SLC6A17: variants seen among roughly 807,000 people sequenced by gnomAD.
SLC6A17 encodes the protein sodium-dependent neutral amino acid transporter SLC6A17.
SLC6A17 carries 21 observed loss-of-function variants against 64.5 expected under a neutral mutation model. That is an observed-to-expected ratio of 0.33 (90% CI 0.23 to 0.47). The LOEUF (loss-of-function observed/expected upper bound fraction) is 0.47. Among genes scored for constraint, SLC6A17 ranks in the 20% least tolerant of loss-of-function variants. The pLI, the probability that SLC6A17 is intolerant of heterozygous loss-of-function variation, is 1.00. For missense variants in SLC6A17, 682 were observed against 963.2 expected (o/e 0.71, Z 3.86); for synonymous variants, 372 against 399.5 (o/e 0.93, Z 0.82).
intron 1 of SLC6A17, among the ~76,000 whole-genome samples, chr1:110,165,721 T>C (rs188056567): frequency 5.3e-5 from 8 of 152,350 alleles, no homozygotes; most frequent in Admixed American, 3.9e-4. Flanking sequence ...CAGCCTTGCC[T>C]GTGCCATTCA....
chr1:110,196,922 G>T (rs1656984839), intron 10 of SLC6A17, among the ~76,000 whole-genome samples: 1 of 152,190 alleles, frequency 6.6e-6, no homozygotes, highest in African/African-American at 2.4e-5. Context: ...AGTAATGCAA[G>T]ATTTTAGTTA....
At chr1:110,171,173 A>T (rs1364695000) in intron 2 of SLC6A17, among the ~76,000 whole-genome samples, 1 of 152,180 alleles carries the variant, frequency 6.6e-6, no homozygotes, top group Non-Finnish European at 1.5e-5. Flanking sequence ...GGCAAGGCTT[A>T]GTCAGAGGGT....
chr1:110,160,311 C>T (rs376767419), intron 1 of SLC6A17, among the ~76,000 whole-genome samples: 7 of 152,342 alleles, frequency 4.6e-5, no homozygotes, highest in South Asian at 4.1e-4. Context: ...TGTTTTACCC[C>T]GCCTCTTTGT....
chr1:110,197,621 C>G (rs1192125454), intron 11 of SLC6A17, 22 bp downstream of exon 11: 1 of 1,567,316 alleles, frequency 6.4e-7, no homozygotes, highest in Non-Finnish European at 8.6e-7. Flanking sequence ...GGCCCCAAAC[C>G]CCAGGGACAT....
chr1:110,191,010 C>G (rs1656811383), intron 6 of SLC6A17, among the ~76,000 whole-genome samples: 1 of 152,224 alleles, frequency 6.6e-6, no homozygotes. Context: ...ACACCCTGTC[C>G]TGACGAGGTC....
In SLC6A17 at chr1:110,174,151, G is replaced by T. The variant is rs200372400; in HGVS notation, c.571+52G>T. Reference sequence around the variant, plus strand: ...CCAGCCAGCCCTGTCCCAGGAAGGGGTCTCACAAGCTTAGCGCACACATTT... The same window carrying T: ...CCAGCCAGCCCTGTCCCAGGAAGGGTTCTCACAAGCTTAGCGCACACATTT... On this transcript the variant is annotated intron_variant, in intron 4 of 11. Transcript: ENST00000331565. The T allele has an allele frequency of 4.9e-4, 787 of 1,602,414 alleles. 1 individual carries two copies. Among genetic ancestry groups the T allele is most frequent in the Non-Finnish European group, 6.2e-4 (734 of 1,174,928 alleles).
At chr1:110,179,862 T>C (rs1302495988) in intron 6 of SLC6A17, among the ~76,000 whole-genome samples, 1 of 152,128 alleles carries the variant, frequency 6.6e-6, no homozygotes, top group Non-Finnish European at 1.5e-5. Flanking sequence ...CTTGGGGTGC[T>C]TCTTTCTAAA....
chr1:110,175,049 TGCAG>T (rs2101848595), intron 5 of SLC6A17, 89 bp downstream of exon 5: 1 of 1,483,770 alleles, frequency 6.7e-7, no homozygotes, highest in African/African-American at 1.4e-5. Flanking sequence ...GGCTGCCCTT[TGCAG>T]GGTCTTCTGG....
At position 110,194,620 on chromosome 1, in the gene SLC6A17, G is replaced by A; in HGVS notation, c.1341G>A (p.Glu447=). ...GTGLAFIAFT[E]AMTHFPASPF... is the part of the protein sequence containing the mutation. ...GCCTGGCCTTCATCGCCTTCACTGA[G>A]GCCATGACGCACTTCCCCGCCTCCC... is the stretch of plus-strand genomic sequence containing the variant. Residue 447 remains glutamate (E), a synonymous_variant, in exon 9 of 12, where the codon GAG becomes GAA. Transcript: ENST00000331565. The A allele has an allele frequency of 6.2e-7, 1 of 1,614,220 alleles. No homozygotes were observed. The highest frequency in any genetic ancestry group is 8.5e-7 in the Non-Finnish European group (1 of 1,180,058).
chr1:110,197,571 C>T lies in SLC6A17; in HGVS notation c.1787C>T (p.Pro596Leu), dbSNP rs752041932. 5 of 1,607,058 alleles carry T rather than the reference C, an allele frequency of 3.1e-6. No individual in the cohort carries two copies. Among genetic ancestry groups the T allele is most frequent in the East Asian group, 2.2e-5 (1 of 44,744 alleles). The part of the protein sequence containing the change: ...ASIIQLGVTP[P>L]GYSAWIKEEA... The stretch of plus-strand genomic sequence containing the variant: ...ATCATCCAGCTGGGGGTCACGCCCC[C>T]GGGCTACAGCGCCTGGATCAAGGAG... The change falls in exon 11 of 12, where the codon CCG (proline) becomes CTG (leucine). Residue 596 changes from proline to leucine, a missense_variant. Pro to Leu is a moderately conservative substitution (Grantham distance 98). This residue lies in a region of SLC6A17 where 264 missense variants were observed against 339.5 expected (regional missense o/e 0.78). Transcript: ENST00000331565.
intron 1 of SLC6A17, among the ~76,000 whole-genome samples, chr1:110,163,986 CATG>C (rs1289133857): frequency 6.6e-6 from 1 of 152,124 alleles, no homozygotes; most frequent in African/African-American, 2.4e-5. Context: ...CCTGGAGTCA[CATG>C]GAGATACATG....
At position 110,174,064 on chromosome 1, in the gene SLC6A17, G is replaced by A. The variant is rs761542562; in HGVS notation, c.536G>A (p.Ser179Asn). 4.3e-6 allele frequency: 7 copies of A among 1,614,216 alleles called. No individual in the cohort carries two copies. In the Admixed American group the frequency reaches 1.0e-4, roughly 23 times the overall value. The change falls in exon 4 of 12, where the codon AGT becomes AAT. Residue 179 changes from serine to asparagine, a missense_variant. Ser to Asn is a conservative substitution (Grantham distance 46). Around this residue, in one of 3 missense-constraint regions of SLC6A17, gnomAD observed 415 missense variants for 603.8 expected, o/e 0.69. Coordinates refer to ENST00000331565, the MANE Select transcript of SLC6A17 (RefSeq NM_001010898.4). ...TCCTTCCAGTACCCGCTGCCCTGGA[G>A]TGAATGTCCTGTCGTCAGGAATGGG... ...FKSFQYPLPWSECPVVRNGSV... is the reference protein window; with the variant it reads ...FKSFQYPLPWNECPVVRNGSV...
At chr1:110,154,104 G>C (rs545253948) in intron 1 of SLC6A17, among the ~76,000 whole-genome samples, 2 of 152,286 alleles carry the variant, frequency 1.3e-5, no homozygotes, top group East Asian at 3.9e-4. Flanking sequence ...ACTGTGCTTG[G>C]CACAAATTGA....
intron 5 of SLC6A17, among the ~76,000 whole-genome samples, chr1:110,175,636 C>A (rs1179089836): frequency 6.6e-6 from 1 of 152,192 alleles, no homozygotes; most frequent in Non-Finnish European, 1.5e-5. Flanking sequence ...GGGGAAAGCA[C>A]CTCAGCTAAC....
chr1:110,189,996 C>A (rs1656783577), intron 6 of SLC6A17, among the ~76,000 whole-genome samples: 1 of 152,210 alleles, frequency 6.6e-6, no homozygotes, highest in African/African-American at 2.4e-5. Flanking sequence ...TGTCTCTCTC[C>A]AACTAGAATG....
intron 1 of SLC6A17, among the ~76,000 whole-genome samples, chr1:110,157,619 T>C (rs1655792693): frequency 2.6e-5 from 4 of 151,934 alleles, no homozygotes; most frequent in Non-Finnish European, 2.9e-5. Context: ...ATAAAAATAG[T>C]CAGGTCACAT....
At chr1:110,153,889 G>GA (rs111914112) in intron 1 of SLC6A17, among the ~76,000 whole-genome samples, 11,432 of 151,932 alleles carry the variant, frequency 0.075, 1,384 homozygotes, top group African/African-American at 0.26. Context: ...CAGGATGGGG[G>GA]AAAAAAAACC....
Position 110,189,106 on chromosome 1 carries a change from T to G in SLC6A17, c.865-2866T>G, listed in dbSNP as rs200214337. Among the ~76,000 whole-genome samples, 15 of 152,304 alleles carry G rather than the reference T, an allele frequency of 9.8e-5. No individual in the cohort carries two copies. In the East Asian group the frequency reaches 2.9e-3, roughly 29 times the overall value. On this transcript the variant is annotated intron_variant, in intron 6 of 11. Transcript: ENST00000331565. ...CTTTTGCTTCTTATCCCTCTGTAAC[T>G]ACAGCCACAGCCTCAGCTCCTGCCA...
intron 2 of SLC6A17, among the ~76,000 whole-genome samples, chr1:110,169,719 C>T (rs536057884): frequency 6.6e-6 from 1 of 152,190 alleles, no homozygotes; most frequent in African/African-American, 2.4e-5. Context: ...CCCCGCTATT[C>T]GGATGAACAA....
Sources: gnomAD v4.1 joint callset for allele counts (sites outside exome capture counted in the v4.1 genomes callset) on GRCh38, gnomAD v4.1.1 for gene constraint, gnomAD v4.1.1 regional missense constraint, MANE v1.5 for transcripts, NCBI Gene and HGNC (gene_info 2026-07-23, HGNC 2026-07-21) for gene names.